NRK: variants seen among roughly 807,000 people sequenced by gnomAD.
NRK encodes the protein nik-related protein kinase.
Under a neutral mutation model 125.2 loss-of-function variants are expected in NRK, and 67 were observed. The observed-to-expected ratio is 0.54, with a 90% CI of 0.44 to 0.66. The LOEUF (loss-of-function observed/expected upper bound fraction) is 0.66, where lower values mean the gene tolerates loss of function less well. NRK is among the 30% of genes least tolerant of loss of function. The pLI is 0.00. For synonymous variants in NRK, 458 were observed against 429.0 expected (o/e 1.07, Z -0.84); for missense variants, 1,224 against 1,192.9 (o/e 1.03, Z -0.38).
chrX:105,922,360 G>A (rs752911136), intron 17 of NRK, among the ~76,000 whole-genome samples: 2 of 111,712 alleles, frequency 1.8e-5, no homozygotes, highest in Admixed American at 1.9e-4. Flanking sequence ...ATCTCAGATT[G>A]AGGGGTACAG....
At chrX:105,822,226 CGGG>C (rs1415893988), upstream of NRK, among the ~76,000 whole-genome samples, 1 of 103,436 alleles carries the variant, frequency 9.7e-6, no homozygotes, top group African/African-American at 3.5e-5. Flanking sequence ...ACCGGTTTTC[CGGG>C]GCTGGCAGCT....
At chrX:105,932,622 G>A (rs1044760166) in intron 19 of NRK, among the ~76,000 whole-genome samples, 16 of 111,542 alleles carry the variant, frequency 1.4e-4, no homozygotes, top group African/African-American at 5.2e-4. Flanking sequence ...AACACAGGTG[G>A]AACTCCAGAC....
rs185700095 is a variant in NRK at position 105,893,814 on chromosome X, T to C, written c.379-18T>C. 921 of 1,056,450 alleles carry C rather than the reference T, an allele frequency of 8.7e-4. 11 individuals carry two copies. In the African/African-American group the frequency reaches 0.015, roughly 17 times the overall value. 87.1% of individuals were successfully genotyped at this position (1,056,450 alleles called of 1,213,427 possible). On this transcript the variant is annotated intron_variant, in intron 5 of 28. Transcript: ENST00000243300. The stretch of plus-strand genomic sequence containing the variant: ...AAATTGGACACTAATTTTTTATACT[T>C]TGCTGGCTTTCCTGCAGATGGTGAT...
rs780103841 is a variant in NRK, at chrX:105,935,587, G to T, written c.3655+262G>T. On this transcript the variant is annotated intron_variant, in intron 21 of 28. Coordinates refer to ENST00000243300, the MANE Select transcript of NRK (RefSeq NM_198465.4). ...TGGCAGGTGGATCACGAGGTCAGGA[G>T]TTGAGACCAGCCTGGACAACATAGT... 5.5e-5 allele frequency among the ~76,000 whole-genome samples: 6 copies of T among 108,505 alleles called. No homozygotes were observed. In the South Asian group the frequency reaches 2.4e-3, roughly 43 times the overall value. The allele number at this position is 108,505 out of a possible 115,157, so 94.2% of individuals were successfully genotyped here. A position where few individuals can be genotyped will look rare whatever the true frequency, so the allele number is the denominator to read the frequency against.
intron 22 of NRK, 84 bp from the exon 23 acceptor site, chrX:105,939,790 A>C (rs1162937876): frequency 3.5e-6 from 2 of 574,284 alleles, no homozygotes; most frequent in Non-Finnish European, 5.2e-6. Context: ...TATTTTTAAA[A>C]GGCAAAATAT....
chrX:105,906,771 G>A (rs1338575902), intron 11 of NRK, among the ~76,000 whole-genome samples, 182 bp downstream of exon 11: 1 of 71,618 alleles, frequency 1.4e-5, no homozygotes, highest in Non-Finnish European at 2.8e-5. Flanking sequence ...TTGCGTGTGT[G>A]TGTGTGTGTG....
chrX:105,844,846 A>T (rs2039380554), intron 2 of NRK, among the ~76,000 whole-genome samples: 1 of 111,792 alleles, frequency 8.9e-6, no homozygotes, highest in Admixed American at 9.5e-5. Context: ...AAAACAGGAG[A>T]ATTTATGATT....
At chrX:105,923,891 CTATATATATATATATA>C (rs1204761152) in intron 18 of NRK, among the ~76,000 whole-genome samples, 6 of 47,867 alleles carry the variant, frequency 1.3e-4, no homozygotes, top group African/African-American at 2.4e-4. Context: ...TGTGATATCA[CTATATATATATATATA>C]TATATATATA....
intron 6 of NRK, 97 bp downstream of exon 6, chrX:105,894,039 T>C (rs1391242292): frequency 4.3e-6 from 2 of 461,071 alleles, no homozygotes; most frequent in Non-Finnish European, 7.0e-6. Context: ...ATAGTTTAGG[T>C]ATTCCAAACA....
chrX:105,898,414 A>G (rs1265903451), intron 7 of NRK, among the ~76,000 whole-genome samples, 170 bp from the exon 8 acceptor site: 1 of 112,289 alleles, frequency 8.9e-6, no homozygotes. Context: ...ATAGCAGGAA[A>G]AGCTTATTTC....
chrX:105,866,821 G>C (rs980561961), intron 2 of NRK, among the ~76,000 whole-genome samples: 1 of 111,367 alleles, frequency 9.0e-6, no homozygotes, highest in Admixed American at 9.5e-5. Flanking sequence ...ATATTTGTGG[G>C]GGCTTTTTAA....
Position 105,957,356 on chromosome X carries a change from A to G in NRK, c.*1756A>G, listed in dbSNP as rs1042338587. ...TCATTATTATAAATTTGTACACCAAAAGGCCATGGGGAACTTTGTGCAAGT... is the reference window on the plus strand; with the variant it reads ...TCATTATTATAAATTTGTACACCAAGAGGCCATGGGGAACTTTGTGCAAGT... On this transcript the variant is annotated 3_prime_UTR_variant, in exon 29 of 29. Transcript: ENST00000243300. 9.0e-6 allele frequency: 1 copy of G among 111,062 alleles called. No homozygotes were observed. The highest frequency in any genetic ancestry group is 1.9e-5 in the Non-Finnish European group (1 of 52,908). The allele number at this position is 111,062 out of a possible 1,213,427, so 9.2% of individuals were successfully genotyped here.
chrX:105,930,690 A>G (rs907211587), intron 19 of NRK, among the ~76,000 whole-genome samples: 5 of 110,469 alleles, frequency 4.5e-5, no homozygotes, highest in African/African-American at 1.7e-4. Context: ...TGATGGAGCA[A>G]TTGCTTCTTA....
At chrX:105,870,585 T>A (rs186266717) in intron 2 of NRK, among the ~76,000 whole-genome samples, 1 of 112,044 alleles carries the variant, frequency 8.9e-6, no homozygotes, top group East Asian at 2.8e-4. Flanking sequence ...AACTTTATTG[T>A]CCATTTTGTA....
chrX:105,925,032 G>T lies in NRK; in HGVS notation c.3312+1G>T. 1 of 1,164,133 alleles carries T rather than the reference G, an allele frequency of 8.6e-7. No homozygotes were observed. The highest frequency in any genetic ancestry group is 1.2e-6 in the Non-Finnish European group (1 of 859,050). ...TCAGGACTTTGAATATCTACAGGAG[G>T]TAATGCACCATTTGAAAAGCAGATT... On this transcript the variant is annotated splice_donor_variant, in intron 19 of 28. Transcript: ENST00000243300. LOFTEE classifies it high-confidence loss of function.
In NRK at chrX:105,947,442, C is replaced by CAAAA. The variant is rs753072138; in HGVS notation, c.4353+996_4353+999dup. Among the ~76,000 whole-genome samples, 92 of 16,156 alleles carry CAAAA rather than the reference C, an allele frequency of 5.7e-3. 1 individual carries two copies. The highest frequency in any genetic ancestry group is 7.0e-3 in the Non-Finnish European group (71 of 10,180). The allele number at this position is 16,156 out of a possible 115,157, so 14.0% of individuals were successfully genotyped here. A position where few individuals can be genotyped will look rare whatever the true frequency, so the allele number is the denominator to read the frequency against. On this transcript the variant is annotated intron_variant, in intron 26 of 28. Coordinates refer to ENST00000243300, the MANE Select transcript of NRK (RefSeq NM_198465.4). ...TGGGCGACAGAGCGAGACTCCGTCT[C>CAAAA]AAAAAAAAAAAAAAAAAAAAAGAAA...
chrX:105,838,652 G>A (rs993350740), intron 2 of NRK, among the ~76,000 whole-genome samples: 1 of 111,227 alleles, frequency 9.0e-6, no homozygotes, highest in African/African-American at 3.3e-5. Context: ...TGCCATGTAC[G>A]CTGATGCCTA....
chrX:105,846,471 T>A (rs1422345748), intron 2 of NRK, among the ~76,000 whole-genome samples: 3 of 111,660 alleles, frequency 2.7e-5, no homozygotes, highest in Non-Finnish European at 5.6e-5. Context: ...ATATACTGTT[T>A]TTTTTTTCCA....
intron 27 of NRK, among the ~76,000 whole-genome samples, chrX:105,950,930 A>T (rs2040888828): frequency 9.1e-6 from 1 of 110,242 alleles, no homozygotes; most frequent in South Asian, 3.9e-4. Flanking sequence ...TTTAAGGACC[A>T]TTTTGAAAGA....
Sources: allele counts gnomAD v4.1 joint callset (sites outside exome capture counted in the v4.1 genomes callset), GRCh38; gene constraint gnomAD v4.1.1; transcripts MANE v1.5; gene names NCBI Gene and HGNC (gene_info 2026-07-23, HGNC 2026-07-21).